VPS13C: variants seen among roughly 807,000 people sequenced by gnomAD.
The protein encoded by VPS13C is intermembrane lipid transfer protein VPS13C.
A neutral mutation model predicts 456.8 loss-of-function variants in VPS13C; 358 were observed. That is an observed-to-expected ratio of 0.78 (90% CI 0.72 to 0.86). VPS13C has a LOEUF of 0.86. Ranked by LOEUF, VPS13C falls within the 40% of genes least tolerant of loss-of-function variation. The probability of loss-of-function intolerance (pLI) is 0.00; values close to 1 mark genes in which losing one functional copy is unlikely to be tolerated. For missense variants in VPS13C, 4,818 were observed against 4,385.4 expected, an observed-to-expected ratio of 1.10 and a Z score of -2.79; for synonymous variants, 1,578 against 1,486.7, an observed-to-expected ratio of 1.06 and a Z score of -1.41.
At position 61,969,299 on chromosome 15, in the gene VPS13C, C is replaced by T; in HGVS notation, c.2911G>A (p.Gly971Arg). 6.3e-7 allele frequency: 1 copy of T among 1,586,068 alleles called. No individual in the cohort carries two copies. Among genetic ancestry groups the T allele is most frequent in the East Asian group, 2.3e-5 (1 of 44,092 alleles). ...KISLDYHEIE[G>R]SKRKPLHLIS... The stretch of plus-strand genomic sequence containing the variant: ...TTATTTCTATTTTTATGGGTATTAC[C>T]TTCAATTTCATGATAATCCAAGCTG... Residue 971 changes from glycine (G) to arginine (R), a missense_variant and splice_region_variant, in exon 28 of 85, where the codon GGA becomes AGA. Coordinates refer to ENST00000644861, the MANE Select transcript of VPS13C (RefSeq NM_020821.3).
intron 83 of VPS13C, 110 bp downstream of exon 83, chr15:61,856,176 C>G (rs1458390711): frequency 1.6e-6 from 2 of 1,285,908 alleles, no homozygotes; most frequent in East Asian, 4.9e-5. Flanking sequence ...CACATCTCAG[C>G]ATATAGTAGT....
At position 62,035,329 on chromosome 15, in the gene VPS13C, C is replaced by T. The variant is rs549539901; in HGVS notation, c.188-277G>A. Among the ~76,000 whole-genome samples, 11 of 151,764 alleles carry T rather than the reference C, an allele frequency of 7.2e-5. No homozygotes were observed. In the South Asian group the frequency reaches 2.3e-3, roughly 31 times the overall value. ...TTCAAAAACTGTAAAATGAATAAGT[C>T]AGCTATTATTTCAATCCTGAAAAAA... On this transcript the variant is annotated intron_variant, in intron 3 of 84. Transcript: ENST00000644861.
intron 16 of VPS13C, among the ~76,000 whole-genome samples, chr15:61,993,688 A>C (rs1382127463): frequency 6.6e-6 from 1 of 152,154 alleles, no homozygotes; most frequent in Non-Finnish European, 1.5e-5. Flanking sequence ...CAAACATAGA[A>C]AGGCTATGAA....
At chr15:61,878,813 G>C (rs1312336922) in intron 73 of VPS13C, 67 bp from the exon 74 acceptor site, 1 of 1,491,312 alleles carries the variant, frequency 6.7e-7, no homozygotes, top group Non-Finnish European at 8.9e-7. Context: ...TAGGATCCAG[G>C]TAGTCCAGAA....
In VPS13C at chr15:61,962,469, C is replaced by A. The variant is rs2045240421; in HGVS notation, c.3505G>T (p.Asp1169Tyr). 1.2e-6 allele frequency: 2 copies of A among 1,611,960 alleles called. No individual in the cohort carries two copies. The highest frequency in any genetic ancestry group is 1.7e-6 in the Non-Finnish European group (2 of 1,178,750). ...LDLYPDATEG[D>Y]LYTDMSKVDG... ...ACTTTGGACATGTCAGTATACAAATCCCCCTCAGTAGCATCTGGATACAAA... is the reference window on the plus strand; with the variant it reads ...ACTTTGGACATGTCAGTATACAAATACCCCTCAGTAGCATCTGGATACAAA... Residue 1169 changes from aspartate (D) to tyrosine (Y), a missense_variant, in exon 34 of 85, where the codon GAT (aspartate) becomes TAT (tyrosine). Transcript: ENST00000644861.
At chr15:61,974,969 T>C (rs531767054) in intron 24 of VPS13C, among the ~76,000 whole-genome samples, 2 of 152,230 alleles carry the variant, frequency 1.3e-5, no homozygotes, top group South Asian at 2.1e-4. Flanking sequence ...CCCTACTCAA[T>C]GTAATTGCCT....
chr15:61,863,703 T>G (rs1287272945), intron 81 of VPS13C, 175 bp from the exon 82 acceptor site: 1 of 444,228 alleles, frequency 2.3e-6, no homozygotes, highest in Non-Finnish European at 4.0e-6. Flanking sequence ...TGTTTGTAAG[T>G]TAACTTCCAC....
chr15:61,929,423 T>C, intron 51 of VPS13C, 78 bp downstream of exon 51: 1 of 1,514,742 alleles, frequency 6.6e-7, no homozygotes, highest in Non-Finnish European at 8.9e-7. Context: ...TCTTAAATTT[T>C]TCATTTCTCT....
At chr15:62,005,003 T>G (rs1414450133) in intron 15 of VPS13C, among the ~76,000 whole-genome samples, 4 of 151,994 alleles carry the variant, frequency 2.6e-5, no homozygotes, top group Admixed American at 2.6e-4. Context: ...TTCTGTTGAT[T>G]TGGGGTGGAG....
chr15:61,972,215 C>T (rs983115925), intron 27 of VPS13C, among the ~76,000 whole-genome samples: 1 of 152,032 alleles, frequency 6.6e-6, no homozygotes, highest in Non-Finnish European at 1.5e-5. Context: ...AGGCTGTAAA[C>T]GTATGTTGGA....
intron 8 of VPS13C, among the ~76,000 whole-genome samples, chr15:62,022,643 CTTA>C (rs1185906396): frequency 6.6e-6 from 1 of 151,798 alleles, no homozygotes; most frequent in Non-Finnish European, 1.5e-5. Flanking sequence ...ACATAGGGAA[CTTA>C]CCAAGAAAAG....
At chr15:61,921,682 T>C (rs933627992) in intron 55 of VPS13C, among the ~76,000 whole-genome samples, 3 of 152,144 alleles carry the variant, frequency 2.0e-5, no homozygotes, top group Non-Finnish European at 4.4e-5. Flanking sequence ...ACTGCCTGCC[T>C]TAAGGGAAGA....
At chr15:62,011,778 A>C (rs1298834693) in intron 12 of VPS13C, among the ~76,000 whole-genome samples, 3 of 151,954 alleles carry the variant, frequency 2.0e-5, no homozygotes, top group Non-Finnish European at 4.4e-5. Context: ...TCAGAGATTT[A>C]GTTACTTTTT....
chr15:62,019,454 C>T (rs2047377497), intron 9 of VPS13C, among the ~76,000 whole-genome samples: 1 of 152,074 alleles, frequency 6.6e-6, no homozygotes, highest in South Asian at 2.1e-4. Flanking sequence ...CTACACACTG[C>T]TTTTAATGTG....
chr15:61,911,824 C>G lies in VPS13C; in HGVS notation c.8715+16G>C. ...TGTATATTTTAGGAATCAGTTGTAACAAAGAAAAATGCTACCTCTGAAGAA... is the reference window on the plus strand; with the variant it reads ...TGTATATTTTAGGAATCAGTTGTAAGAAAGAAAAATGCTACCTCTGAAGAA... On this transcript the variant is annotated intron_variant, in intron 63 of 84. Coordinates refer to ENST00000644861, the MANE Select transcript of VPS13C (RefSeq NM_020821.3). 1 of 1,566,796 alleles carries G rather than the reference C, an allele frequency of 6.4e-7. No individual in the cohort carries two copies. The highest frequency in any genetic ancestry group is 1.4e-5 in the African/African-American group (1 of 73,604).
chr15:61,967,045 G>A (rs2045397773), intron 29 of VPS13C, among the ~76,000 whole-genome samples: 2 of 151,614 alleles, frequency 1.3e-5, no homozygotes, highest in East Asian at 3.9e-4. Context: ...TATCCTTTTT[G>A]ATGCAGGATA....
intron 37 of VPS13C, 75 bp from the exon 38 acceptor site, chr15:61,954,629 A>T: frequency 7.0e-7 from 1 of 1,423,106 alleles, no homozygotes; most frequent in South Asian, 1.5e-5. Flanking sequence ...GACTTATATG[A>T]GTATTCTGGA....
intron 66 of VPS13C, among the ~76,000 whole-genome samples, chr15:61,903,019 CA>C (rs1242641396): frequency 6.6e-6 from 1 of 151,558 alleles, no homozygotes; most frequent in Non-Finnish European, 1.5e-5. Flanking sequence ...TTGCAGGACG[CA>C]AAATCAATAT....
At position 61,959,462 on chromosome 15, in the gene VPS13C, G is replaced by A. The variant is rs774004839; in HGVS notation, c.4042C>T (p.Leu1348Phe). Reference protein sequence around the residue: ...KVPVVEIKGHLDSMNVSLNQE... With the variant: ...KVPVVEIKGHFDSMNVSLNQE... ...CATATACTTACATTCATTGAATCAA[G>A]ATGTCCTTTAATTTCCACAACAGGC... The change falls in exon 36 of 85, where the codon CTT (leucine) becomes TTT (phenylalanine). Residue 1348 changes from leucine to phenylalanine, a missense_variant. This residue lies in a region of VPS13C where 4,552 missense variants were observed against 4,130.6 expected (regional missense o/e 1.10). Transcript: ENST00000644861. 12 of 1,610,570 alleles carry A rather than the reference G, an allele frequency of 7.5e-6. No individual in the cohort carries two copies. The Admixed American group carries it at 8.4e-5, about 11-fold the overall frequency.
Sources: gnomAD v4.1 joint callset for allele counts (sites outside exome capture counted in the v4.1 genomes callset) on GRCh38, gnomAD v4.1.1 for gene constraint, gnomAD v4.1.1 regional missense constraint, MANE v1.5 for transcripts, NCBI Gene and HGNC (gene_info 2026-07-23, HGNC 2026-07-21) for gene names.